DOCK9: variants seen among roughly 807,000 people sequenced by gnomAD.
The protein encoded by DOCK9 is dedicator of cytokinesis 9.
In DOCK9, 89 loss-of-function variants were observed where a neutral mutation model predicts 263.3. The ratio of observed to expected loss-of-function variants is 0.34; its 90% CI spans 0.28 to 0.40. DOCK9 has a LOEUF of 0.40. Ranked by LOEUF, DOCK9 falls within the 10% of genes least tolerant of loss-of-function variation. The probability of loss-of-function intolerance (pLI) is 1.00; values close to 1 mark genes in which losing one functional copy is unlikely to be tolerated. For missense variants in DOCK9, 2,140 were observed against 2,603.4 expected, an observed-to-expected ratio of 0.82 and a Z score of 3.87; for synonymous variants, 976 against 973.1, an observed-to-expected ratio of 1.00 and a Z score of -0.06.
chr13:98,829,601 G>A lies in DOCK9; in HGVS notation c.4749+42C>T. ...GTCCACAAGCACCTCAGGTGCTGATGCAGAGTCTCAGGGTGAAACTAACAT... is the reference window on the plus strand; with the variant it reads ...GTCCACAAGCACCTCAGGTGCTGATACAGAGTCTCAGGGTGAAACTAACAT... On this transcript the variant is annotated intron_variant, in intron 42 of 52. Transcript: ENST00000682017. This position sits in a 1 kb window ranked among gnomAD's most constrained non-coding sequence, Gnocchi z 4.1. 6.3e-7 allele frequency: 1 copy of A among 1,583,674 alleles called. No individual in the cohort carries two copies.
intron 18 of DOCK9, 25 bp downstream of exon 18, chr13:98,888,133 G>T (rs770561465): frequency 6.6e-7 from 1 of 1,514,996 alleles, no homozygotes; most frequent in Non-Finnish European, 9.0e-7. Flanking sequence ...ATTCGTAGGT[G>T]AACATATATT....
intron 38 of DOCK9, among the ~76,000 whole-genome samples, chr13:98,841,619 T>TA (rs1191202920): frequency 6.7e-6 from 1 of 148,198 alleles, no homozygotes; most frequent in Non-Finnish European, 1.5e-5. Context: ...GAACAAAATT[T>TA]TTTTTTTTTT....
intron 45 of DOCK9, among the ~76,000 whole-genome samples, chr13:98,818,800 A>G (rs1301128485): frequency 6.6e-6 from 1 of 151,992 alleles, no homozygotes; most frequent in Non-Finnish European, 1.5e-5. Flanking sequence ...GAAGGCACTG[A>G]GCATCTGTCT....
chr13:98,985,502 A>G (rs1158024283), intron 1 of DOCK9, among the ~76,000 whole-genome samples: 1 of 152,236 alleles, frequency 6.6e-6, no homozygotes, highest in East Asian at 1.9e-4. Flanking sequence ...GAGAAAATAT[A>G]CATTGAATGA....
chr13:98,805,105 C>G lies in DOCK9; in HGVS notation c.5619G>C (p.Glu1873Asp). The G allele has an allele frequency of 6.2e-7, 1 of 1,611,434 alleles. No homozygotes were observed. Among genetic ancestry groups the G allele is most frequent in the Non-Finnish European group, 8.5e-7 (1 of 1,178,734 alleles). Residue 1873 changes from glutamate (E) to aspartate (D), a missense_variant, in exon 49 of 53, where the codon GAG becomes GAC. Transcript: ENST00000682017. ...KELQERKTEF[E>D]RSHNIRRFMF... ...TGAAGCGGCGGATGTTGTGGGATCT[C>G]TCAAACTCTGTTTTCCTTTCTTGCA...
intron 18 of DOCK9, among the ~76,000 whole-genome samples, chr13:98,886,935 A>C (rs534887523): frequency 2.2e-4 from 33 of 151,996 alleles, no homozygotes; most frequent in African/African-American, 7.5e-4. Flanking sequence ...TCGCTTCTGC[A>C]TGCATCAAGA....
chr13:98,939,807 T>G (rs1249205197), intron 2 of DOCK9, among the ~76,000 whole-genome samples: 1 of 152,248 alleles, frequency 6.6e-6, no homozygotes, highest in Non-Finnish European at 1.5e-5. Context: ...TATCTCTGAT[T>G]GCAAACTACT....
Position 98,815,304 on chromosome 13 carries a change from G to A in DOCK9, c.5131-5013C>T, listed in dbSNP as rs2091745076. ...GAATTCTAAGAAGACCTAGCTTCCC[G>A]TGGGGAAGACATATTGTATAACAAG... On this transcript the variant is annotated intron_variant, in intron 45 of 52. Transcript: ENST00000682017. Among the ~76,000 whole-genome samples the A allele has an allele frequency of 5.9e-5, 9 of 152,200 alleles. No homozygotes were observed. The South Asian group carries it at 1.7e-3, about 28-fold the overall frequency.
chr13:98,955,324 A>AAAT (rs982574002), intron 2 of DOCK9, 111 bp downstream of exon 2: 10 of 739,258 alleles, frequency 1.4e-5, no homozygotes, highest in Admixed American at 3.3e-5. Flanking sequence ...GTCTCAAAAA[A>AAAT]AATAATAATA....
In DOCK9 at chr13:98,831,602, C is replaced by T. The variant is rs2296986; in HGVS notation, c.4452+47G>A. The T allele has an allele frequency of 0.21, 343,384 of 1,600,724 alleles. 40,833 individuals are homozygous for T. Among genetic ancestry groups the T allele is most frequent in the East Asian group, 0.37 (16,368 of 44,552 alleles). ...TGCTCGGTAATGTACCCTTCAATTCCGGGGGAAGAAGGAAAACATCTAACC... is the reference window on the plus strand; with the variant it reads ...TGCTCGGTAATGTACCCTTCAATTCTGGGGGAAGAAGGAAAACATCTAACC... On this transcript the variant is annotated intron_variant, in intron 40 of 52. Transcript: ENST00000682017.
chr13:99,021,893 T>C (rs1048133845), intron 1 of DOCK9, among the ~76,000 whole-genome samples: 1 of 152,094 alleles, frequency 6.6e-6, no homozygotes, highest in African/African-American at 2.4e-5. Flanking sequence ...GACGGGTTGA[T>C]AGGTGCAGCA....
At chr13:98,853,121 G>T (rs1468663716) in intron 35 of DOCK9, among the ~76,000 whole-genome samples, 1 of 152,066 alleles carries the variant, frequency 6.6e-6, no homozygotes, top group Admixed American at 6.6e-5. Flanking sequence ...TAGTTAAGAT[G>T]GCAGGTCCCA....
chr13:99,070,526 G>C (rs550839706), intron 1 of DOCK9, among the ~76,000 whole-genome samples: 55 of 152,234 alleles, frequency 3.6e-4, no homozygotes, highest in African/African-American at 1.2e-3. Context: ...GGGTTATATG[G>C]TATTTCTTTA....
Position 98,915,514 on chromosome 13 carries a change from A to G in DOCK9, c.718-11T>C. On this transcript the variant is annotated splice_polypyrimidine_tract_variant and intron_variant, in intron 7 of 52. Coordinates refer to ENST00000682017, the MANE Select transcript of DOCK9 (RefSeq NM_001366683.2). ...CCTGACTTTGTTGTTCTGAAATGAA[A>G]AAAGGATAAACAGACATACTTTAAA... is the stretch of plus-strand genomic sequence containing the variant. 2 of 1,606,050 alleles carry G rather than the reference A, an allele frequency of 1.2e-6. No individual in the cohort carries two copies. The highest frequency in any genetic ancestry group is 1.7e-6 in the Non-Finnish European group (2 of 1,177,164).
intron 39 of DOCK9, chr13:98,834,419 C>T (rs2092906435): frequency 6.6e-6 from 1 of 152,108 alleles, no homozygotes; most frequent in African/African-American, 2.4e-5. Context: ...ATGTGTCTGC[C>T]GACCAGGCTC....
At chr13:98,999,306 A>ACTCTCT (rs1324465856) in intron 1 of DOCK9, among the ~76,000 whole-genome samples, 7 of 107,914 alleles carry the variant, frequency 6.5e-5, no homozygotes, top group Non-Finnish European at 1.4e-4. Context: ...ACACACACAC[A>ACTCTCT]CACACACACA....
chr13:98,850,299 C>T (rs1316817412), intron 35 of DOCK9, among the ~76,000 whole-genome samples, 186 bp from the exon 36 acceptor site: 3 of 152,142 alleles, frequency 2.0e-5, no homozygotes, highest in African/African-American at 7.2e-5. Flanking sequence ...ACACCTGAGG[C>T]CTATTCACCT....
intron 29 of DOCK9, 82 bp downstream of exon 29, chr13:98,867,844 TTA>T: frequency 4.7e-6 from 6 of 1,288,162 alleles, no homozygotes; most frequent in Non-Finnish European, 6.4e-6. Context: ...AGGCAGAGCT[TTA>T]AAAAAAAAAA....
intron 15 of DOCK9, among the ~76,000 whole-genome samples, chr13:98,896,297 G>C (rs2047414601): frequency 6.6e-6 from 1 of 152,138 alleles, no homozygotes; most frequent in Admixed American, 6.5e-5. Context: ...CTGCTGACAT[G>C]GACGTGATTG....
Sources: allele counts gnomAD v4.1 joint callset (sites outside exome capture counted in the v4.1 genomes callset), GRCh38; gene constraint gnomAD v4.1.1; non-coding constraint Gnocchi (gnomAD v3.1); transcripts MANE v1.5; gene names NCBI Gene and HGNC (gene_info 2026-07-23, HGNC 2026-07-21).